PC: variants seen among roughly 807,000 people sequenced by gnomAD.
PC encodes pyruvate carboxylase, mitochondrial.
A neutral mutation model predicts 107.8 loss-of-function variants in PC; 46 were observed. The observed-to-expected ratio is 0.43, with a 90% CI of 0.34 to 0.55. PC has a LOEUF of 0.55. Among genes scored for constraint, PC ranks in the 20% least tolerant of loss-of-function variants. PC has a pLI of 0.04. For synonymous variants in PC, 662 were observed against 684.7 expected (o/e 0.97, Z 0.52); for missense variants, 1,241 against 1,643.1 (o/e 0.76, Z 4.23).
Position 66,872,121 on chromosome 11 carries a change from G to T in PC, c.39C>A (p.Leu13=). ...KFRTVHGGLR[L]LGIRRTSTAP... ...CGGTGGAGGTTCGGCGGATTCCCAGGAGCCTCAGGCCCCCATGGACTGTTC... is the reference window on the plus strand; with the variant it reads ...CGGTGGAGGTTCGGCGGATTCCCAGTAGCCTCAGGCCCCCATGGACTGTTC... Residue 13 remains leucine (L), a synonymous_variant, in exon 4 of 23, where the codon CTC becomes CTA. Coordinates refer to ENST00000393960, the MANE Select transcript of PC (RefSeq NM_001040716.2). 6.3e-7 allele frequency: 1 copy of T among 1,579,494 alleles called. No homozygotes were observed. Among genetic ancestry groups the T allele is most frequent in the Non-Finnish European group, 8.6e-7 (1 of 1,163,536 alleles).
chr11:66,852,728 CAGAA>C lies in PC; in HGVS notation c.1603+15_1603+18del, dbSNP rs1844622813. On this transcript the variant is annotated intron_variant, in intron 14 of 22. Coordinates refer to ENST00000393960, the MANE Select transcript of PC (RefSeq NM_001040716.2). The surrounding 1 kb of genome is among the most constrained non-coding windows in gnomAD (Gnocchi z 4.7). ...ACCTCCTGTCTCCCCCATGAGTTGA[CAGAA>C]TGGATCTCACCTACCTATGGGCACT... The C allele has an allele frequency of 1.2e-6, 2 of 1,609,942 alleles. No individual in the cohort carries two copies. The highest frequency in any genetic ancestry group is 8.5e-7 in the Non-Finnish European group (1 of 1,177,014).
chr11:66,937,943 A>AT (rs1241237453), intron 3 of PC, among the ~76,000 whole-genome samples: 14 of 151,916 alleles, frequency 9.2e-5, no homozygotes, highest in Non-Finnish European at 1.8e-4. Flanking sequence ...CACTCAGCTA[A>AT]TTTTTTGTAT....
At chr11:66,947,829 G>C (rs896524098) in intron 3 of PC, among the ~76,000 whole-genome samples, 2 of 151,724 alleles carry the variant, frequency 1.3e-5, no homozygotes, top group African/African-American at 4.8e-5. Flanking sequence ...TGGGCGTGGT[G>C]GTGGGCGCCT....
chr11:66,930,741 TAAA>T (rs34424812), intron 3 of PC, among the ~76,000 whole-genome samples: 38 of 99,256 alleles, frequency 3.8e-4, no homozygotes, highest in African/African-American at 1.1e-3. Context: ...GACTCTGTCT[TAAA>T]AAAAAAAAAA....
chr11:66,947,681 G>A (rs1191394475), intron 3 of PC, among the ~76,000 whole-genome samples: 2 of 152,094 alleles, frequency 1.3e-5, no homozygotes, highest in Non-Finnish European at 2.9e-5. Flanking sequence ...CAAGCCTAAG[G>A]GCCAGGTGCG....
At chr11:66,887,453 G>A (rs1250555293) in intron 3 of PC, among the ~76,000 whole-genome samples, 2 of 152,164 alleles carry the variant, frequency 1.3e-5, no homozygotes, top group South Asian at 2.1e-4. Flanking sequence ...AGTAAGAGGC[G>A]GCAGCTATTT....
At chr11:66,943,510 C>T (rs1249103992) in intron 3 of PC, among the ~76,000 whole-genome samples, 3 of 151,104 alleles carry the variant, frequency 2.0e-5, no homozygotes, top group African/African-American at 7.3e-5. Context: ...AGGCCGAGGC[C>T]CGGATCATGA....
chr11:66,849,520 G>A, intron 21 of PC, 91 bp downstream of exon 21: 3 of 1,610,204 alleles, frequency 1.9e-6, no homozygotes, highest in Non-Finnish European at 2.5e-6. Context: ...TGCTCCCAAA[G>A]CTTGCGAGGC....
At chr11:66,869,099 A>C (rs1050307373) in intron 9 of PC, 135 bp from the exon 10 acceptor site, 3 of 687,004 alleles carry the variant, frequency 4.4e-6, no homozygotes, top group Non-Finnish European at 7.7e-6. Flanking sequence ...CCCTGCCCCC[A>C]CAGATGGCAG....
chr11:66,927,190 A>G (rs1948737650), intron 3 of PC, among the ~76,000 whole-genome samples: 1 of 128,270 alleles, frequency 7.8e-6, no homozygotes, highest in Admixed American at 9.9e-5. Flanking sequence ...CGCTGCTGTG[A>G]ACGCTCACAC....
chr11:66,860,491 G>C (rs778987487), intron 12 of PC: 1 of 702,794 alleles, frequency 1.4e-6, no homozygotes, highest in South Asian at 1.5e-5. Context: ...AGTCTCTGGT[G>C]TTGTCTGGCT....
At chr11:66,850,627 G>A in intron 18 of PC, 47 bp downstream of exon 18, 1 of 1,602,416 alleles carries the variant, frequency 6.2e-7, no homozygotes, top group Non-Finnish European at 8.5e-7. Flanking sequence ...ACTGGTGGTG[G>A]CTGCGGCTTT....
chr11:66,871,100 C>A lies in PC; in HGVS notation c.585G>T (p.Ala195=), dbSNP rs375925670. 9.3e-6 allele frequency: 15 copies of A among 1,613,800 alleles called. No individual in the cohort carries two copies. The African/African-American group carries it at 1.7e-4, about 19-fold the overall frequency. Residue 195 remains alanine (A), a synonymous_variant, in exon 7 of 23, where the codon GCG becomes GCT. Coordinates refer to ENST00000393960, the MANE Select transcript of PC (RefSeq NM_001040716.2). This position sits in a 1 kb window ranked among gnomAD's most constrained non-coding sequence, Gnocchi z 7.4. ...NTYGFPIIFK[A]AYGGGGRGMR... Reference sequence around the variant, plus strand: ...TGCCACGCCCTCCACCCCCATAGGCCGCCTTGAAGATGATGGGGAAGCCGT... The same window carrying A: ...TGCCACGCCCTCCACCCCCATAGGCAGCCTTGAAGATGATGGGGAAGCCGT...
At chr11:66,891,910 T>G (rs1003403815) in intron 3 of PC, among the ~76,000 whole-genome samples, 2 of 152,218 alleles carry the variant, frequency 1.3e-5, no homozygotes, top group African/African-American at 4.8e-5. Flanking sequence ...TATTTTCTTA[T>G]GATTGTGGAT....
At chr11:66,864,281 G>C (rs1401153279) in intron 11 of PC, among the ~76,000 whole-genome samples, 1 of 152,214 alleles carries the variant, frequency 6.6e-6, no homozygotes, top group Non-Finnish European at 1.5e-5. Flanking sequence ...CTATTCCCAC[G>C]GACCTGCTGC....
rs183272308 is a variant in PC, at chr11:66,900,167, C to T, written c.1-28008G>A. ...AATTCTGAAATCAGGAAGTGTGAGT[C>T]CTCCAACGTTGTTTTTTTTTTTTTT... On this transcript the variant is annotated intron_variant, in intron 3 of 22. Coordinates refer to ENST00000393960, the MANE Select transcript of PC (RefSeq NM_001040716.2). Among the ~76,000 whole-genome samples the T allele has an allele frequency of 2.7e-5, 4 of 147,918 alleles. No homozygotes were observed. In the South Asian group the frequency reaches 6.4e-4, roughly 24 times the overall value.
At position 66,857,564 on chromosome 11, in the gene PC, G is replaced by T. The variant is rs1331955012; in HGVS notation, c.1369-4181C>A. 4.8e-6 allele frequency: 3 copies of T among 621,176 alleles called. No individual in the cohort carries two copies. Among genetic ancestry groups the T allele is most frequent in the Non-Finnish European group, 8.3e-6 (3 of 362,912 alleles). 38.5% of individuals were successfully genotyped at this position (621,176 alleles called of 1,614,324 possible). On this transcript the variant is annotated intron_variant, in intron 12 of 22. Transcript: ENST00000393960. The surrounding 1 kb of genome is among the most constrained non-coding windows in gnomAD (Gnocchi z 7.1). The stretch of plus-strand genomic sequence containing the variant: ...GGAAATGTGACCTTTGCTCTGGGGG[G>T]CCTGGCCCTGCAGGCCCCAACCTTC...
At chr11:66,922,191 A>AGC (rs1460324549) in intron 3 of PC, among the ~76,000 whole-genome samples, 1 of 152,234 alleles carries the variant, frequency 6.6e-6, no homozygotes, top group Non-Finnish European at 1.5e-5. Flanking sequence ...ATGAGGAGAC[A>AGC]GCTACAGACA....
chr11:66,903,773 A>AAAT lies in PC; in HGVS notation c.1-31615_1-31614insATT, dbSNP rs1555039098. Reference sequence around the variant, plus strand: ...TCAGGAAAAAAAAAAAAAAAAAAAAAATATATATATATATATATACACACA... The same window carrying AAAT: ...TCAGGAAAAAAAAAAAAAAAAAAAAAAATATATATATATATATATATACACACA... On this transcript the variant is annotated intron_variant, in intron 3 of 22. Coordinates refer to ENST00000393960, the MANE Select transcript of PC (RefSeq NM_001040716.2). Among the ~76,000 whole-genome samples the AAAT allele has an allele frequency of 2.8e-3, 176 of 62,472 alleles. 2 individuals are homozygous for AAAT. Among genetic ancestry groups the AAAT allele is most frequent in the African/African-American group, 8.9e-3 (161 of 18,182 alleles). 41.0% of individuals were successfully genotyped at this position (62,472 alleles called of 152,430 possible). A position where few individuals can be genotyped will look rare whatever the true frequency, so the allele number is the denominator to read the frequency against.
Sources: gnomAD v4.1 joint callset for allele counts (sites outside exome capture counted in the v4.1 genomes callset) on GRCh38, gnomAD v4.1.1 for gene constraint, Gnocchi (gnomAD v3.1) non-coding constraint, MANE v1.5 for transcripts, NCBI Gene and HGNC (gene_info 2026-07-23, HGNC 2026-07-21) for gene names.